Variants in LRP1B observed in about 807,000 individuals in gnomAD.
The protein encoded by LRP1B is low-density lipoprotein receptor-related protein 1B.
In LRP1B, 217 loss-of-function variants were observed where a neutral mutation model predicts 556.6. That is an observed-to-expected ratio of 0.39 (90% CI 0.35 to 0.44). The LOEUF (loss-of-function observed/expected upper bound fraction) is 0.44. Ranked by LOEUF, LRP1B falls within the 20% of genes least tolerant of loss-of-function variation. The probability of loss-of-function intolerance (pLI) is 1.00; values close to 1 mark genes in which losing one functional copy is unlikely to be tolerated. For missense variants in LRP1B, 5,053 were observed against 5,620.8 expected (o/e 0.90, Z 3.23); for synonymous variants, 2,047 against 1,865.8 (o/e 1.10, Z -2.50).
intron 1 of LRP1B, among the ~76,000 whole-genome samples, chr2:142,087,858 C>T (rs990407633): frequency 6.6e-6 from 1 of 152,058 alleles, no homozygotes; most frequent in African/African-American, 2.4e-5. Flanking sequence ...AGAACACTAT[C>T]TCTTCCTGCT....
At chr2:142,042,832 AGTT>A (rs1704111121) in intron 1 of LRP1B, among the ~76,000 whole-genome samples, 1 of 151,562 alleles carries the variant, frequency 6.6e-6, no homozygotes, top group Non-Finnish European at 1.5e-5. Context: ...CAAAGAAAGG[AGTT>A]GTTATGTCTT....
chr2:140,720,401 T>C (rs1687359073), intron 35 of LRP1B, among the ~76,000 whole-genome samples: 1 of 151,808 alleles, frequency 6.6e-6, no homozygotes, highest in Non-Finnish European at 1.5e-5. Flanking sequence ...CAAATATGAG[T>C]CTTTGAAGCC....
intron 1 of LRP1B, among the ~76,000 whole-genome samples, chr2:141,873,801 T>TA (rs201832070): frequency 0.03 from 4,361 of 146,140 alleles, 94 homozygotes; most frequent in African/African-American, 0.056. Context: ...GGGATGAGGT[T>TA]AAAAAAAAAA....
chr2:141,491,066 A>G (rs905017715), intron 2 of LRP1B, among the ~76,000 whole-genome samples: 1 of 151,910 alleles, frequency 6.6e-6, no homozygotes, highest in Non-Finnish European at 1.5e-5. Context: ...AGTCCTAGAG[A>G]CTGAAATTAC....
intron 7 of LRP1B, among the ~76,000 whole-genome samples, chr2:141,097,588 C>A (rs529266308): frequency 6.6e-6 from 1 of 152,110 alleles, no homozygotes; most frequent in Non-Finnish European, 1.5e-5. Flanking sequence ...ATCTTGTCTA[C>A]CTTCTACAAA....
At chr2:141,803,351 A>G (rs937061528) in intron 2 of LRP1B, among the ~76,000 whole-genome samples, 1 of 151,498 alleles carries the variant, frequency 6.6e-6, no homozygotes. Flanking sequence ...GGCCCTTTCA[A>G]TTCACAATTA....
At chr2:141,197,555 C>T (rs1229631864) in intron 6 of LRP1B, among the ~76,000 whole-genome samples, 1 of 152,024 alleles carries the variant, frequency 6.6e-6, no homozygotes, top group Non-Finnish European at 1.5e-5. Flanking sequence ...ATACTTGTTT[C>T]ATCTGCAGTG....
intron 45 of LRP1B, among the ~76,000 whole-genome samples, chr2:140,539,906 A>G (rs909743952): frequency 6.6e-6 from 1 of 152,168 alleles, no homozygotes; most frequent in Non-Finnish European, 1.5e-5. Flanking sequence ...TCTTAAATAA[A>G]TCAACTTTTA....
At chr2:140,912,373 A>T (rs1322578866) in intron 21 of LRP1B, among the ~76,000 whole-genome samples, 2 of 151,726 alleles carry the variant, frequency 1.3e-5, no homozygotes, top group Non-Finnish European at 3.0e-5. Flanking sequence ...TTCTTTGCTT[A>T]AACTCCCTTC....
At chr2:141,760,703 A>G (rs1484253848) in intron 2 of LRP1B, among the ~76,000 whole-genome samples, 1 of 152,204 alleles carries the variant, frequency 6.6e-6, no homozygotes, top group African/African-American at 2.4e-5. Flanking sequence ...TGTTTCATAC[A>G]AGAACACTAC....
intron 1 of LRP1B, among the ~76,000 whole-genome samples, chr2:141,919,166 G>A (rs1022852875): frequency 6.6e-6 from 1 of 151,926 alleles, no homozygotes; most frequent in African/African-American, 2.4e-5. Context: ...TTATATATAT[G>A]TGCATACATA....
Position 141,188,611 on chromosome 2 carries a change from A to T in LRP1B, c.851-28T>A, listed in dbSNP as rs1435001119. ...GAAAAACACATACACAAAATCATTG[A>T]ATCACAGGTGCAATCTAGCATCATG... On this transcript the variant is annotated intron_variant, in intron 6 of 90. Transcript: ENST00000389484. The T allele has an allele frequency of 1.9e-6, 3 of 1,600,308 alleles. No individual in the cohort carries two copies. The Admixed American group carries it at 5.1e-5, about 27-fold the overall frequency.
At position 141,334,506 on chromosome 2, in the gene LRP1B, A is replaced by G. The variant is rs183943453; in HGVS notation, c.344-79865T>C. Among the ~76,000 whole-genome samples, 391 of 152,276 alleles carry G rather than the reference A, an allele frequency of 2.6e-3. 1 individual carries two copies. The highest frequency in any genetic ancestry group is 8.9e-3 in the African/African-American group (371 of 41,528). ...TTTTCTTTATAAATTATCCACTTTC[A>G]GGTATTTCCTTATAGTAGTGCAAGA... On this transcript the variant is annotated intron_variant, in intron 3 of 90. Coordinates refer to ENST00000389484, the MANE Select transcript of LRP1B (RefSeq NM_018557.3).
intron 3 of LRP1B, among the ~76,000 whole-genome samples, chr2:141,296,023 A>C (rs1180962639): frequency 2.0e-5 from 3 of 152,178 alleles, no homozygotes; most frequent in Non-Finnish European, 4.4e-5. Context: ...TCAGTTTTCA[A>C]TCAACATAAT....
chr2:141,508,149 T>C (rs1684000222), intron 2 of LRP1B, among the ~76,000 whole-genome samples: 1 of 151,798 alleles, frequency 6.6e-6, no homozygotes, highest in Non-Finnish European at 1.5e-5. Flanking sequence ...CTTTGGAATG[T>C]ATGATGTCTA....
chr2:141,890,559 C>A (rs1699260913), intron 1 of LRP1B, among the ~76,000 whole-genome samples: 1 of 151,634 alleles, frequency 6.6e-6, no homozygotes, highest in Non-Finnish European at 1.5e-5. Flanking sequence ...CTATTTATTG[C>A]ATGAACCATA....
chr2:141,220,130 C>G (rs867771280), intron 6 of LRP1B, among the ~76,000 whole-genome samples: 1 of 152,108 alleles, frequency 6.6e-6, no homozygotes, highest in African/African-American at 2.4e-5. Flanking sequence ...TAATGAACTT[C>G]GCTGAGCTAA....
At chr2:140,496,239 A>C (rs1166462210) in intron 55 of LRP1B, among the ~76,000 whole-genome samples, 1 of 152,018 alleles carries the variant, frequency 6.6e-6, no homozygotes, top group Non-Finnish European at 1.5e-5. Context: ...GGCTTTTGCA[A>C]TTACCTTTAA....
At chr2:140,500,416 G>A (rs937745246) in intron 55 of LRP1B, among the ~76,000 whole-genome samples, 4 of 151,858 alleles carry the variant, frequency 2.6e-5, no homozygotes, top group African/African-American at 4.8e-5. Context: ...GCATGCTAAG[G>A]CTGGCAGGAA....
Sources: gnomAD v4.1 joint callset for allele counts (sites outside exome capture counted in the v4.1 genomes callset) on GRCh38, gnomAD v4.1.1 for gene constraint, MANE v1.5 for transcripts, NCBI Gene and HGNC (gene_info 2026-07-23, HGNC 2026-07-21) for gene names.